Variants in CDHR3 observed in about 807,000 individuals in gnomAD.
CDHR3 encodes the protein cadherin related family member 3.
A neutral mutation model predicts 86.6 loss-of-function variants in CDHR3; 79 were observed. The observed-to-expected ratio is 0.91, with a 90% CI of 0.76 to 1.10. The LOEUF (loss-of-function observed/expected upper bound fraction) is 1.10. Among genes scored for constraint, CDHR3 ranks in the 50% least tolerant of loss-of-function variants. The pLI, the probability that CDHR3 is intolerant of heterozygous loss-of-function variation, is 0.00. For synonymous variants in CDHR3, 421 were observed against 402.4 expected (o/e 1.05, Z -0.55); for missense variants, 1,081 against 1,077.6 (o/e 1.00, Z -0.04).
rs763981246 is a variant in CDHR3 at position 106,015,180 on chromosome 7, C to T, written c.1294C>T (p.Gln432Ter). 5 of 1,610,946 alleles carry T rather than the reference C, an allele frequency of 3.1e-6. No homozygotes were observed. In the Admixed American group the frequency reaches 8.4e-5, roughly 27 times the overall value. The change falls in exon 10 of 19, where the codon CAG (glutamine) becomes TAG (stop). Residue 432 changes from glutamine (Q) to a stop codon, truncating the protein, a stop_gained. Coordinates refer to ENST00000317716, the MANE Select transcript of CDHR3 (RefSeq NM_152750.5). LOFTEE classifies it high-confidence loss of function. The part of the protein sequence containing the change: ...AAGNKYTVII[Q>*]VQDVAPPYYK... ...CGGCAATAAATATACGGTGATAATC[C>T]AGGTGCAGGATGTGGCCCCCCCTTA... is the stretch of plus-strand genomic sequence containing the variant.
intron 12 of CDHR3, 63 bp downstream of exon 12, chr7:106,018,135 A>G: frequency 7.5e-7 from 1 of 1,340,960 alleles, no homozygotes; most frequent in Non-Finnish European, 1.0e-6. Context: ...TCTCTCTGGC[A>G]CCCCCAGAGT....
intron 6 of CDHR3, among the ~76,000 whole-genome samples, chr7:106,000,899 CAAAAA>C (rs35254288): frequency 2.2e-5 from 2 of 90,692 alleles, no homozygotes; most frequent in Non-Finnish European, 2.3e-5. Flanking sequence ...TATCCTCAGG[CAAAAA>C]AAAAAAAAAA....
chr7:105,974,028 C>T (rs1408742011), intron 1 of CDHR3, among the ~76,000 whole-genome samples: 2 of 152,132 alleles, frequency 1.3e-5, no homozygotes, highest in Non-Finnish European at 2.9e-5. Flanking sequence ...CTGTTCAACC[C>T]ACAACAGTAA....
At chr7:105,974,755 G>A (rs903381797) in intron 1 of CDHR3, 89 bp from the exon 2 acceptor site, 3 of 1,002,520 alleles carry the variant, frequency 3.0e-6, no homozygotes, top group African/African-American at 1.6e-5. Context: ...CCTGAGCTAC[G>A]AATTGAAGCC....
Position 106,033,352 on chromosome 7 carries a change from TTA to T in CDHR3, c.*657_*658del, listed in dbSNP as rs1376919943. The T allele has an allele frequency of 6.6e-6, 1 of 152,234 alleles. No homozygotes were observed. The highest frequency in any genetic ancestry group is 2.4e-5 in the African/African-American group (1 of 41,432). The allele number at this position is 152,234 out of a possible 1,614,324, so 9.4% of individuals were successfully genotyped here. On this transcript the variant is annotated 3_prime_UTR_variant, in exon 19 of 19. Transcript: ENST00000317716. ...AGCAGTAGTTCAGTTCTCTTCATGG[TTA>T]TGTCTGGTTTCATTCTATGATTATA...
At chr7:106,016,387 A>C (rs1835625396) in intron 11 of CDHR3, among the ~76,000 whole-genome samples, 1 of 152,232 alleles carries the variant, frequency 6.6e-6, no homozygotes, top group African/African-American at 2.4e-5. Flanking sequence ...ATTTAAAAAC[A>C]GAAAAGGTTT....
chr7:106,028,454 C>T (rs534127678), intron 16 of CDHR3, 97 bp from the exon 17 acceptor site: 46 of 1,296,616 alleles, frequency 3.5e-5, no homozygotes, highest in Admixed American at 1.7e-4. Context: ...AGACTGAGAT[C>T]GAAGCCTATT....
chr7:106,013,163 A>G, intron 9 of CDHR3, 132 bp downstream of exon 9: 1 of 723,840 alleles, frequency 1.4e-6, no homozygotes, highest in Non-Finnish European at 2.1e-6. Context: ...GACAGGCTTA[A>G]TAGTGAGTCT....
At chr7:105,977,657 C>T (rs890543730) in intron 2 of CDHR3, among the ~76,000 whole-genome samples, 2 of 152,206 alleles carry the variant, frequency 1.3e-5, no homozygotes, top group Non-Finnish European at 2.9e-5. Context: ...ACTCTCCAAC[C>T]GAAATTGCTC....
chr7:105,986,430 G>GT (rs1442270239), intron 4 of CDHR3, among the ~76,000 whole-genome samples: 1 of 152,202 alleles, frequency 6.6e-6, no homozygotes. Flanking sequence ...ACATTCATGC[G>GT]TAGGGGAGAA....
chr7:106,030,861 CT>C lies in CDHR3; in HGVS notation c.2353+22del. 6.2e-7 allele frequency: 1 copy of C among 1,600,054 alleles called. No individual in the cohort carries two copies. The highest frequency in any genetic ancestry group is 8.5e-7 in the Non-Finnish European group (1 of 1,170,954). On this transcript the variant is annotated intron_variant, in intron 18 of 18. Transcript: ENST00000317716. The surrounding 1 kb of genome is among the most constrained non-coding windows in gnomAD (Gnocchi z 4.8). ...TCCAGGTAATTAAGTGGCAATACCA[CT>C]GTAAGAATGCTTTTTATATTCCAGA...
At chr7:106,005,222 A>G (rs1833785773) in intron 8 of CDHR3, among the ~76,000 whole-genome samples, 1 of 152,254 alleles carries the variant, frequency 6.6e-6, no homozygotes, top group African/African-American at 2.4e-5. Context: ...AACAAAAGAC[A>G]TCCGAAAGGG....
intron 4 of CDHR3, among the ~76,000 whole-genome samples, chr7:105,984,673 C>G (rs1830266989): frequency 6.6e-6 from 1 of 152,140 alleles, no homozygotes; most frequent in Non-Finnish European, 1.5e-5. Flanking sequence ...AATCTAAGCT[C>G]ATAAAAACCA....
At chr7:105,966,354 A>G (rs557044277) in intron 1 of CDHR3, among the ~76,000 whole-genome samples, 1 of 152,202 alleles carries the variant, frequency 6.6e-6, no homozygotes, top group Non-Finnish European at 1.5e-5. Context: ...TCACATGGAC[A>G]TGAAAAGGTA....
At chr7:106,022,167 T>C in intron 13 of CDHR3, 31 bp from the exon 14 acceptor site, 1 of 1,610,360 alleles carries the variant, frequency 6.2e-7, no homozygotes, top group South Asian at 1.1e-5. Flanking sequence ...TTCTTCCTTT[T>C]ACCAACACCC....
Position 106,028,465 on chromosome 7 carries a change from T to C in CDHR3, c.2273-86T>C, listed in dbSNP as rs1344401716. The C allele has an allele frequency of 2.1e-6, 3 of 1,418,564 alleles. No homozygotes were observed. The East Asian group carries it at 6.9e-5, about 33-fold the overall frequency. 87.9% of individuals were successfully genotyped at this position (1,418,564 alleles called of 1,614,324 possible). ...TGCAAGACTGAGATCGAAGCCTATT[T>C]AGGGGAAATACCGTTGTGGAGGTGG... On this transcript the variant is annotated intron_variant, in intron 16 of 18. Coordinates refer to ENST00000317716, the MANE Select transcript of CDHR3 (RefSeq NM_152750.5).
intron 8 of CDHR3, among the ~76,000 whole-genome samples, chr7:106,008,595 C>A (rs931414968): frequency 6.6e-6 from 1 of 151,964 alleles, no homozygotes; most frequent in African/African-American, 2.4e-5. Context: ...GGTTCCTATC[C>A]CAACCTAAGC....
intron 6 of CDHR3, among the ~76,000 whole-genome samples, chr7:105,998,507 ACACACCGGGTGCAGTGGCT>A (rs1407146133): frequency 3.3e-5 from 5 of 152,310 alleles, no homozygotes; most frequent in Middle Eastern, 3.4e-3. Context: ...AAAGCACCTG[ACACACCGGGTGCAGTGGCT>A]CACGCCTGTA....
At chr7:106,006,642 G>A (rs539588198) in intron 8 of CDHR3, among the ~76,000 whole-genome samples, 10 of 152,202 alleles carry the variant, frequency 6.6e-5, no homozygotes, top group South Asian at 2.1e-4. Context: ...TCCAGGTCAC[G>A]CTCATGCAAG....
Sources: gnomAD v4.1 joint callset for allele counts (sites outside exome capture counted in the v4.1 genomes callset) on GRCh38, gnomAD v4.1.1 for gene constraint, Gnocchi (gnomAD v3.1) non-coding constraint, MANE v1.5 for transcripts, NCBI Gene and HGNC (gene_info 2026-07-23, HGNC 2026-07-21) for gene names.